Variants in KAZN observed in about 807,000 individuals in gnomAD.
KAZN encodes the protein kazrin, periplakin interacting protein, also known as kazrin.
In KAZN, 40 loss-of-function variants were observed where a neutral mutation model predicts 87.4. That is an observed-to-expected ratio of 0.46 (90% CI 0.36 to 0.60). The LOEUF (loss-of-function observed/expected upper bound fraction) is 0.60. Among genes scored for constraint, KAZN ranks in the 20% least tolerant of loss-of-function variants. The probability of loss-of-function intolerance (pLI) is 0.00; values close to 1 mark genes in which losing one functional copy is unlikely to be tolerated. For missense variants in KAZN, 898 were observed against 1,073.9 expected, an observed-to-expected ratio of 0.84 and a Z score of 2.29; for synonymous variants, 466 against 458.3, an observed-to-expected ratio of 1.02 and a Z score of -0.22.
At chr1:14,071,946 C>G (rs1411915230) in intron 1 of KAZN, among the ~76,000 whole-genome samples, 1 of 152,210 alleles carries the variant, frequency 6.6e-6, no homozygotes, top group East Asian at 1.9e-4. Context: ...TCTGTTTTAT[C>G]TCATCAGTCA....
chr1:14,356,788 T>C (rs1278812003), intron 2 of KAZN, among the ~76,000 whole-genome samples: 1 of 152,158 alleles, frequency 6.6e-6, no homozygotes, highest in African/African-American at 2.4e-5. Context: ...GGTCTATATA[T>C]CTGTTTGGGT....
intron 4 of KAZN, among the ~76,000 whole-genome samples, chr1:15,055,612 T>G (rs1271882552): frequency 6.6e-6 from 1 of 152,206 alleles, no homozygotes; most frequent in East Asian, 1.9e-4. Flanking sequence ...CAGACAGAAC[T>G]GGGTTCAAAC....
At position 14,735,339 on chromosome 1, in the gene KAZN, C is replaced by T. The variant is rs1005893634; in HGVS notation, c.226+136116C>T. On this transcript the variant is annotated intron_variant, in intron 1 of 14. Coordinates refer to ENST00000376030, the MANE Select transcript of KAZN (RefSeq NM_201628.3). The surrounding 1 kb of genome is among the most constrained non-coding windows in gnomAD (Gnocchi z 4.3). ...CCTCCCAAAGTGCTGGGATTACAGG[C>T]GTGAGCCACCGCGCCCGGCCCGTGC... Among the ~76,000 whole-genome samples, 4 of 152,170 alleles carry T rather than the reference C, an allele frequency of 2.6e-5. No individual in the cohort carries two copies. The highest frequency in any genetic ancestry group is 9.7e-5 in the African/African-American group (4 of 41,434).
chr1:14,085,233 A>G lies in KAZN; in HGVS notation c.92-95202A>G, dbSNP rs142274729. On this transcript the variant is annotated intron_variant, in intron 1 of 16. Coordinates refer to the KAZN transcript ENST00000636203. The stretch of plus-strand genomic sequence containing the variant: ...AATTAGGTAACTCTTAGCTAATTGG[A>G]TTGTGACTTTTTGGATGTAATTGCT... Among the ~76,000 whole-genome samples, 5 of 152,282 alleles carry G rather than the reference A, an allele frequency of 3.3e-5. No homozygotes were observed. The East Asian group carries it at 7.7e-4, about 23-fold the overall frequency.
At chr1:14,671,431 G>A (rs1256491647) in intron 1 of KAZN, among the ~76,000 whole-genome samples, 1 of 152,144 alleles carries the variant, frequency 6.6e-6, no homozygotes, top group East Asian at 1.9e-4. Context: ...GTCACGTACT[G>A]GGGGAGATGG....
At chr1:14,485,999 T>C (rs1322942846) in intron 2 of KAZN, among the ~76,000 whole-genome samples, 1 of 152,028 alleles carries the variant, frequency 6.6e-6, no homozygotes, top group Non-Finnish European at 1.5e-5. Flanking sequence ...GTCATGGAGC[T>C]GTAACACCAC....
intron 1 of KAZN, among the ~76,000 whole-genome samples, chr1:14,180,168 C>T (rs1241899730): frequency 6.6e-6 from 1 of 151,954 alleles, no homozygotes; most frequent in Non-Finnish European, 1.5e-5. Context: ...CTAGATACTC[C>T]ATGAAGGTAG....
intron 1 of KAZN, among the ~76,000 whole-genome samples, chr1:13,894,235 C>T (rs147668532): frequency 1.7e-3 from 255 of 152,306 alleles, no homozygotes; most frequent in Middle Eastern, 6.8e-3. Flanking sequence ...CTGCTCTGAG[C>T]AGCCTCTCCC....
In KAZN at chr1:14,782,554, C is replaced by CAAAAAAAAAAAAAAA. The variant is rs71572122; in HGVS notation, c.227-178120_227-178106dup. 3.0e-3 allele frequency among the ~76,000 whole-genome samples: 197 copies of CAAAAAAAAAAAAAAA among 66,264 alleles called. 1 individual carries two copies. The highest frequency in any genetic ancestry group is 3.7e-3 in the Non-Finnish European group (135 of 36,494). 43.5% of individuals were successfully genotyped at this position (66,264 alleles called of 152,430 possible). A position where few individuals can be genotyped will look rare whatever the true frequency, so the allele number is the denominator to read the frequency against. On this transcript the variant is annotated intron_variant, in intron 1 of 14. Transcript: ENST00000376030. ...CAGGGCAAGACTCCACCTCAAAGAG[C>CAAAAAAAAAAAAAAA]AAAAAAAAAAAAAAAAAAAAAAAAG...
At chr1:15,026,902 A>T (rs1671219699) in intron 2 of KAZN, among the ~76,000 whole-genome samples, 1 of 151,662 alleles carries the variant, frequency 6.6e-6, no homozygotes, top group South Asian at 2.1e-4. Flanking sequence ...GATAATTTGC[A>T]AATACTATGT....
upstream of KAZN, chr1:14,598,631 GC>G: frequency 9.0e-7 from 1 of 1,113,982 alleles, no homozygotes; most frequent in African/African-American, 1.6e-5. This position sits in a 1 kb window ranked among gnomAD's most constrained non-coding sequence, Gnocchi z 4.2. Flanking sequence ...CCCCTCCCGA[GC>G]CGGCGGCGAA....
chr1:14,084,336 T>C (rs758308958), intron 1 of KAZN, among the ~76,000 whole-genome samples: 13 of 152,150 alleles, frequency 8.5e-5, no homozygotes, highest in Non-Finnish European at 1.9e-4. Context: ...TGAGTGCAGT[T>C]TGGACATCCA....
In KAZN at chr1:14,804,297, C is replaced by G. The variant is rs796758952; in HGVS notation, c.227-156387C>G. On this transcript the variant is annotated intron_variant, in intron 1 of 14. Transcript: ENST00000376030. ...CAGAGCTCCCCAGTCCAAAGGAAAG[C>G]TGATGAGCAAGGCTTGGAAGGCTCA... Among the ~76,000 whole-genome samples the G allele has an allele frequency of 2.6e-5, 4 of 152,206 alleles. No individual in the cohort carries two copies. The East Asian group carries it at 5.8e-4, about 22-fold the overall frequency.
At chr1:13,949,392 T>G (rs1641263864) in intron 1 of KAZN, among the ~76,000 whole-genome samples, 1 of 152,210 alleles carries the variant, frequency 6.6e-6, no homozygotes, top group South Asian at 2.1e-4. Context: ...GACTTAGGGT[T>G]GACTGGCTTT....
intron 2 of KAZN, among the ~76,000 whole-genome samples, chr1:14,528,783 C>T (rs1031766968): frequency 6.6e-6 from 1 of 150,996 alleles, no homozygotes; most frequent in African/African-American, 2.4e-5. Context: ...AGACAGCTCT[C>T]CTCACTCTCC....
At chr1:13,983,589 G>C (rs1440205099) in intron 1 of KAZN, among the ~76,000 whole-genome samples, 1 of 152,200 alleles carries the variant, frequency 6.6e-6, no homozygotes, top group Non-Finnish European at 1.5e-5. Context: ...TCTGGCCTTG[G>C]CCAGCCCAGA....
At chr1:14,119,975 G>A (rs1230885825) in intron 1 of KAZN, among the ~76,000 whole-genome samples, 1 of 151,790 alleles carries the variant, frequency 6.6e-6, no homozygotes, top group Non-Finnish European at 1.5e-5. Flanking sequence ...GGAAACTGAG[G>A]CACAGATGGG....
chr1:14,398,044 G>A (rs1316192449), intron 2 of KAZN, among the ~76,000 whole-genome samples: 1 of 152,114 alleles, frequency 6.6e-6, no homozygotes, highest in Non-Finnish European at 1.5e-5. Flanking sequence ...AGATGCACAA[G>A]TGAGTCTAGC....
intron 1 of KAZN, among the ~76,000 whole-genome samples, chr1:14,926,428 C>T (rs1312424332): frequency 6.6e-6 from 1 of 152,188 alleles, no homozygotes; most frequent in African/African-American, 2.4e-5. Context: ...TCCTGCAGCC[C>T]TCATGGTATG....
Sources: allele counts gnomAD v4.1 joint callset (sites outside exome capture counted in the v4.1 genomes callset), GRCh38; gene constraint gnomAD v4.1.1; non-coding constraint Gnocchi (gnomAD v3.1); transcripts MANE v1.5; gene names NCBI Gene and HGNC (gene_info 2026-07-23, HGNC 2026-07-21).